The following ST6GAL1 variants were observed in gnomAD, a reference collection of about 807,000 sequenced individuals.
The protein encoded by ST6GAL1 is ST6 beta-galactoside alpha-2,6-sialyltransferase 1.
Under a neutral mutation model 38.0 loss-of-function variants are expected in ST6GAL1, and 20 were observed. The observed-to-expected ratio is 0.53, with a 90% CI of 0.37 to 0.77. The LOEUF (loss-of-function observed/expected upper bound fraction) is 0.77, where lower values mean the gene tolerates loss of function less well. ST6GAL1 is among the 30% of genes least tolerant of loss of function. The pLI, the probability that ST6GAL1 is intolerant of heterozygous loss-of-function variation, is 0.00. For synonymous variants in ST6GAL1, 196 were observed against 188.2 expected, an observed-to-expected ratio of 1.04 and a Z score of -0.34; for missense variants, 432 against 496.4, an observed-to-expected ratio of 0.87 and a Z score of 1.23.
At position 187,042,644 on chromosome 3, in the gene ST6GAL1, C is replaced by CT; in HGVS notation, c.-50-3dup. The CT allele has an allele frequency of 2.0e-6, 3 of 1,533,326 alleles. No homozygotes were observed. Among genetic ancestry groups the CT allele is most frequent in the Non-Finnish European group, 2.6e-6 (3 of 1,145,706 alleles). The allele number at this position is 1,533,326 out of a possible 1,614,324, so 95.0% of individuals were successfully genotyped here. A position where few individuals can be genotyped will look rare whatever the true frequency, so the allele number is the denominator to read the frequency against. Reference sequence around the variant, plus strand: ...ACATCATTTGTTTTTCCTTGTCTCACTTTTTTTAGGCTTGTTTTCCTGCTC... The same window carrying CT: ...ACATCATTTGTTTTTCCTTGTCTCACTTTTTTTTAGGCTTGTTTTCCTGCTC... On this transcript the variant is annotated splice_polypyrimidine_tract_variant and intron_variant, in intron 3 of 7. Transcript: ENST00000169298.
chr3:186,945,664 A>T (rs1261676141), intron 1 of ST6GAL1, among the ~76,000 whole-genome samples: 2 of 152,130 alleles, frequency 1.3e-5, no homozygotes, highest in Non-Finnish European at 2.9e-5. Context: ...AGACGTGAGG[A>T]GATGTTAAGT....
chr3:187,062,594 A>C (rs1013399512), intron 5 of ST6GAL1, among the ~76,000 whole-genome samples: 3 of 151,952 alleles, frequency 2.0e-5, no homozygotes, highest in African/African-American at 7.3e-5. Context: ...ACACACACAC[A>C]CACACACACA....
chr3:186,959,537 A>G (rs971987840), intron 1 of ST6GAL1, among the ~76,000 whole-genome samples: 4 of 152,232 alleles, frequency 2.6e-5, no homozygotes, highest in Admixed American at 2.6e-4. Context: ...TGAAATTAAA[A>G]ATAAAGGAAC....
intron 2 of ST6GAL1, chr3:186,964,155 T>C (rs1026667129): frequency 3.3e-5 from 5 of 152,224 alleles, no homozygotes; most frequent in African/African-American, 1.2e-4. Context: ...TTGTATTTTC[T>C]CAGTTGCTGG....
At chr3:187,060,301 C>T (rs1030717089) in intron 5 of ST6GAL1, among the ~76,000 whole-genome samples, 2 of 152,170 alleles carry the variant, frequency 1.3e-5, no homozygotes, top group Non-Finnish European at 2.9e-5. Flanking sequence ...GCTGGGATTA[C>T]AGGCGCCCAC....
chr3:187,055,643 T>C (rs957667342), intron 5 of ST6GAL1, among the ~76,000 whole-genome samples: 5 of 152,244 alleles, frequency 3.3e-5, no homozygotes, highest in South Asian at 2.1e-4. Context: ...TCCCGAGTTC[T>C]AATTTGATTG....
chr3:186,951,746 C>A (rs1381716718), intron 1 of ST6GAL1, among the ~76,000 whole-genome samples: 1 of 152,208 alleles, frequency 6.6e-6, no homozygotes, highest in Non-Finnish European at 1.5e-5. Flanking sequence ...AACTTTCATA[C>A]CTTTTGTCTT....
intron 2 of ST6GAL1, among the ~76,000 whole-genome samples, chr3:186,971,298 C>T (rs115305531): frequency 1.3e-5 from 2 of 152,310 alleles, no homozygotes; most frequent in Non-Finnish European, 2.9e-5. Flanking sequence ...GCCATGTTGG[C>T]CAGTGGCCAG....
At chr3:187,063,790 G>T (rs553353252) in intron 5 of ST6GAL1, among the ~76,000 whole-genome samples, 112 of 152,324 alleles carry the variant, frequency 7.4e-4, no homozygotes, top group South Asian at 8.3e-4. Context: ...GGCAGGCTTT[G>T]ATCAGATCCC....
intron 2 of ST6GAL1, among the ~76,000 whole-genome samples, chr3:186,992,644 A>G (rs531133677): frequency 2.6e-4 from 39 of 152,210 alleles, no homozygotes; most frequent in African/African-American, 9.4e-4. Flanking sequence ...AAATACAAAA[A>G]AAATTAGCTG....
chr3:187,035,107 A>G (rs1717884376), intron 2 of ST6GAL1, among the ~76,000 whole-genome samples: 1 of 152,134 alleles, frequency 6.6e-6, no homozygotes, highest in African/African-American at 2.4e-5. Flanking sequence ...ATAACCAGTA[A>G]TTTTCAAGCT....
intron 2 of ST6GAL1, among the ~76,000 whole-genome samples, chr3:187,005,269 C>CTTTTTTTTTTTTT (rs58085172): frequency 5.8e-5 from 6 of 103,952 alleles, no homozygotes; most frequent in African/African-American, 1.0e-4. Flanking sequence ...TTTTCTTTTT[C>CTTTTTTTTTTTTT]TTTTTTTTTT....
chr3:186,998,783 A>T (rs564571553), intron 2 of ST6GAL1, among the ~76,000 whole-genome samples: 1 of 152,328 alleles, frequency 6.6e-6, no homozygotes, highest in African/African-American at 2.4e-5. Flanking sequence ...GTATTTTTAC[A>T]CTTACAGCAC....
intron 5 of ST6GAL1, 21 bp downstream of exon 5, chr3:187,051,367 C>T (rs1246756416): frequency 1.2e-6 from 2 of 1,609,256 alleles, no homozygotes; most frequent in Non-Finnish European, 1.7e-6. Flanking sequence ...TTCTGTGCAG[C>T]TATGGAGTAA....
At chr3:186,953,517 C>G (rs932297763) in intron 1 of ST6GAL1, among the ~76,000 whole-genome samples, 1 of 152,206 alleles carries the variant, frequency 6.6e-6, no homozygotes, top group East Asian at 1.9e-4. Flanking sequence ...TGCCTGTCTC[C>G]TCCCACCGAC....
At chr3:187,007,981 A>C (rs1164044704) in intron 2 of ST6GAL1, among the ~76,000 whole-genome samples, 1 of 61,636 alleles carries the variant, frequency 1.6e-5, no homozygotes, top group East Asian at 1.0e-3. Context: ...ATACATTATG[A>C]AACAAAAAAA....
rs544566264 is a variant in ST6GAL1, at chr3:186,969,143, C to T, written c.-183+5217C>T. ...CTCAGCTCACTGCAACCTCTGCCTC[C>T]GGGGTTCAAGCGATTCTCCTGCCTC... is the stretch of plus-strand genomic sequence containing the variant. On this transcript the variant is annotated intron_variant, in intron 2 of 7. Transcript: ENST00000169298. Among the ~76,000 whole-genome samples the T allele has an allele frequency of 7.3e-5, 11 of 150,642 alleles. No homozygotes were observed. The East Asian group carries it at 9.8e-4, about 13-fold the overall frequency.
intron 5 of ST6GAL1, among the ~76,000 whole-genome samples, chr3:187,063,003 G>C (rs375468115): frequency 4.6e-5 from 7 of 152,138 alleles, no homozygotes; most frequent in African/African-American, 1.7e-4. Flanking sequence ...GATTCATTTT[G>C]GGAAGCTGAA....
rs1189087528 is a variant in ST6GAL1 at position 187,047,716 on chromosome 3, A to G, written c.608-3533A>G. 2.0e-5 allele frequency among the ~76,000 whole-genome samples: 3 copies of G among 151,590 alleles called. No homozygotes were observed. The East Asian group carries it at 5.8e-4, about 29-fold the overall frequency. ...AGGCCTATTTGAGTTTGAAAGTTCA[A>G]CTTTCAATTAGCAGGGAGGTTTGAC... On this transcript the variant is annotated intron_variant, in intron 4 of 7. Transcript: ENST00000169298.
Sources: allele counts gnomAD v4.1 joint callset (sites outside exome capture counted in the v4.1 genomes callset), GRCh38; gene constraint gnomAD v4.1.1; transcripts MANE v1.5; gene names NCBI Gene and HGNC (gene_info 2026-07-23, HGNC 2026-07-21).